The following DIP2B variants were observed in gnomAD, a reference collection of about 807,000 sequenced individuals.
DIP2B encodes disco-interacting protein 2 homolog B.
DIP2B carries 76 observed loss-of-function variants against 198.0 expected under a neutral mutation model. The ratio of observed to expected loss-of-function variants is 0.38; its 90% CI spans 0.32 to 0.46. DIP2B has a LOEUF of 0.46. Ranked by LOEUF, DIP2B falls within the 20% of genes least tolerant of loss-of-function variation. The pLI, the probability that DIP2B is intolerant of heterozygous loss-of-function variation, is 0.99. For missense variants in DIP2B, 1,559 were observed against 1,978.4 expected (o/e 0.79, Z 4.02); for synonymous variants, 701 against 739.1 (o/e 0.95, Z 0.84).
intron 1 of DIP2B, among the ~76,000 whole-genome samples, chr12:50,549,885 G>A (rs1958412208): frequency 6.6e-6 from 1 of 151,904 alleles, no homozygotes; most frequent in South Asian, 2.1e-4. Flanking sequence ...TTTTTAGATA[G>A]AGATTTAAGT....
intron 1 of DIP2B, among the ~76,000 whole-genome samples, chr12:50,616,094 C>A (rs1349354579): frequency 4.6e-5 from 7 of 152,184 alleles, no homozygotes. Context: ...TTGCTTGGTG[C>A]CTTAGGTGAA....
chr12:50,671,720 G>T (rs1360005055), intron 5 of DIP2B, among the ~76,000 whole-genome samples: 1 of 152,186 alleles, frequency 6.6e-6, no homozygotes, highest in East Asian at 1.9e-4. Context: ...TCTATTAAAA[G>T]GTTAAAATAT....
intron 13 of DIP2B, among the ~76,000 whole-genome samples, chr12:50,692,297 C>A (rs1313835432): frequency 6.6e-6 from 1 of 151,720 alleles, no homozygotes; most frequent in Non-Finnish European, 1.5e-5. Flanking sequence ...TACATATACA[C>A]ACCAACTTTT....
intron 26 of DIP2B, among the ~76,000 whole-genome samples, chr12:50,722,241 G>C (rs557989540): frequency 4.7e-5 from 7 of 148,820 alleles, no homozygotes; most frequent in African/African-American, 1.3e-4. Flanking sequence ...ATTTTTTTTT[G>C]TTTGTTTGTT....
intron 14 of DIP2B, among the ~76,000 whole-genome samples, chr12:50,694,271 G>A (rs11615933): frequency 0.29 from 43,612 of 151,926 alleles, 6,524 homozygotes; most frequent in East Asian, 0.41. Context: ...CAAGGCAGGC[G>A]AATTACTTGA....
At chr12:50,517,857 A>T (rs1354855999) in intron 1 of DIP2B, among the ~76,000 whole-genome samples, 1 of 152,044 alleles carries the variant, frequency 6.6e-6, no homozygotes, top group Non-Finnish European at 1.5e-5. Flanking sequence ...CTTCTGTTTC[A>T]GTTTCCTGTG....
At chr12:50,656,385 C>G (rs191540508) in intron 3 of DIP2B, among the ~76,000 whole-genome samples, 89 of 152,234 alleles carry the variant, frequency 5.8e-4, no homozygotes, top group African/African-American at 1.9e-3. Flanking sequence ...TGTCATAAAA[C>G]AACTGCTCAA....
intron 1 of DIP2B, among the ~76,000 whole-genome samples, chr12:50,510,414 G>T (rs1359216048): frequency 1.3e-5 from 2 of 152,162 alleles, no homozygotes; most frequent in Non-Finnish European, 2.9e-5. Context: ...GTCACGCTTA[G>T]CTCAGCCCTT....
At chr12:50,693,405 A>G (rs780996028) in intron 14 of DIP2B, among the ~76,000 whole-genome samples, 12 of 152,318 alleles carry the variant, frequency 7.9e-5, no homozygotes, top group Non-Finnish European at 1.6e-4. Context: ...GTAAGGGGAT[A>G]TAGAGGTAGA....
At chr12:50,546,954 T>C (rs538584662) in intron 1 of DIP2B, among the ~76,000 whole-genome samples, 2 of 152,294 alleles carry the variant, frequency 1.3e-5, no homozygotes, top group Non-Finnish European at 2.9e-5. Flanking sequence ...TATACCACTC[T>C]ATTTGGCTGT....
At position 50,741,484 on chromosome 12, in the gene DIP2B, C is replaced by T; in HGVS notation, c.4423C>T (p.His1475Tyr). 1 of 1,614,142 alleles carries T rather than the reference C, an allele frequency of 6.2e-7. No homozygotes were observed. Residue 1475 changes from histidine (H) to tyrosine (Y), a missense_variant, in exon 37 of 38, where the codon CAC (histidine) becomes TAC (tyrosine). Transcript: ENST00000301180. The stretch of plus-strand genomic sequence containing the variant: ...ACTGGAGCTGAGAGGATTACGATAC[C>T]ACCCAATTGATATTGAGACCTCGGT... ...ETLELRGLRYHPIDIETSVSR... is the reference protein window; with the variant it reads ...ETLELRGLRYYPIDIETSVSR...
chr12:50,516,241 C>CTCTCTCTCTCTCTA (rs1555180929), intron 1 of DIP2B, among the ~76,000 whole-genome samples: 23 of 141,100 alleles, frequency 1.6e-4, no homozygotes, highest in South Asian at 4.6e-4. Context: ...CTCTCTCTCT[C>CTCTCTCTCTCTCTA]TCTCTATCTC....
chr12:50,710,760 G>T (rs1332736266), intron 22 of DIP2B, among the ~76,000 whole-genome samples: 1 of 151,950 alleles, frequency 6.6e-6, no homozygotes, highest in Non-Finnish European at 1.5e-5. Flanking sequence ...CTATCCTCAG[G>T]GTCTGTAATT....
At chr12:50,537,457 A>G (rs533443877) in intron 1 of DIP2B, among the ~76,000 whole-genome samples, 1 of 152,190 alleles carries the variant, frequency 6.6e-6, no homozygotes, top group East Asian at 1.9e-4. Flanking sequence ...AGTGTGTTAT[A>G]TATACAAACA....
intron 1 of DIP2B, among the ~76,000 whole-genome samples, chr12:50,580,912 A>AT (rs1483155281): frequency 1.3e-5 from 2 of 149,246 alleles, no homozygotes; most frequent in Non-Finnish European, 2.9e-5. Context: ...AATGTCAACA[A>AT]TGCCAGCCTT....
intron 18 of DIP2B, 47 bp from the exon 19 acceptor site, chr12:50,699,019 A>G (rs2139558740): frequency 1.9e-6 from 3 of 1,597,358 alleles, no homozygotes; most frequent in Non-Finnish European, 1.7e-6. Flanking sequence ...ATTTTACAAA[A>G]GTTTTCTAGA....
At chr12:50,706,709 C>G (rs375817111) in intron 21 of DIP2B, 44 bp downstream of exon 21, 1 of 1,597,152 alleles carries the variant, frequency 6.3e-7, no homozygotes, top group Non-Finnish European at 8.6e-7. Flanking sequence ...TTAATGGAAT[C>G]TAAATACATC....
intron 1 of DIP2B, among the ~76,000 whole-genome samples, chr12:50,515,612 C>T (rs984441379): frequency 2.0e-4 from 31 of 152,268 alleles, no homozygotes; most frequent in African/African-American, 7.0e-4. Flanking sequence ...TAACCTTCCT[C>T]GTGCTCTCTC....
intron 1 of DIP2B, among the ~76,000 whole-genome samples, chr12:50,566,108 T>C (rs1179481938): frequency 6.6e-6 from 1 of 152,180 alleles, no homozygotes; most frequent in Non-Finnish European, 1.5e-5. Flanking sequence ...AGTGGCATGA[T>C]TATGGCTCAT....
Sources: gnomAD v4.1 joint callset for allele counts (sites outside exome capture counted in the v4.1 genomes callset) on GRCh38, gnomAD v4.1.1 for gene constraint, MANE v1.5 for transcripts, NCBI Gene and HGNC (gene_info 2026-07-23, HGNC 2026-07-21) for gene names.